TRIM54: variants seen among roughly 807,000 people sequenced by gnomAD.
TRIM54 encodes the protein tripartite motif-containing protein 54.
In TRIM54, 40 loss-of-function variants were observed where a neutral mutation model predicts 42.0. The ratio of observed to expected loss-of-function variants is 0.95; its 90% CI spans 0.74 to 1.24. TRIM54 has a LOEUF of 1.24. TRIM54 is among the 50% of genes most tolerant of loss of function. The pLI is 0.00. For missense variants in TRIM54, 485 were observed against 480.3 expected (o/e 1.01, Z -0.09); for synonymous variants, 199 against 194.9 (o/e 1.02, Z -0.17).
intron 1 of TRIM54, among the ~76,000 whole-genome samples, chr2:27,296,742 G>T (rs759404511): frequency 6.6e-6 from 1 of 152,060 alleles, no homozygotes; most frequent in Non-Finnish European, 1.5e-5. Context: ...CTGGAAGGGA[G>T]GCTTAGATTC....
At chr2:27,295,497 G>A (rs1159482317) in intron 1 of TRIM54, among the ~76,000 whole-genome samples, 2 of 152,002 alleles carry the variant, frequency 1.3e-5, no homozygotes, top group African/African-American at 4.8e-5. Context: ...TAGTAGAGAC[G>A]GGATTTCACC....
chr2:27,298,036 C>CT (rs1343192678), intron 1 of TRIM54, among the ~76,000 whole-genome samples: 1 of 148,486 alleles, frequency 6.7e-6, no homozygotes, highest in African/African-American at 2.5e-5. Context: ...AGCACAAGAA[C>CT]CCAGGACTCC....
At chr2:27,305,901 C>T (rs1679188408) in intron 5 of TRIM54, 84 bp downstream of exon 5, 1 of 1,381,002 alleles carries the variant, frequency 7.2e-7, no homozygotes, top group Admixed American at 2.1e-5. Context: ...CAAGTCTTGT[C>T]TCTTGCACCT....
chr2:27,288,756 C>T (rs961377937), intron 1 of TRIM54, among the ~76,000 whole-genome samples: 3 of 152,222 alleles, frequency 2.0e-5, no homozygotes, highest in African/African-American at 7.2e-5. Flanking sequence ...AAACAGGTCA[C>T]AGTCACACAA....
At chr2:27,301,003 T>C (rs1205554298) in intron 3 of TRIM54, among the ~76,000 whole-genome samples, 3 of 152,126 alleles carry the variant, frequency 2.0e-5, no homozygotes, top group Non-Finnish European at 4.4e-5. Flanking sequence ...GACAGGGTTA[T>C]TGGATCTCGC....
chr2:27,295,059 A>G (rs1678826736), intron 1 of TRIM54, among the ~76,000 whole-genome samples: 1 of 151,716 alleles, frequency 6.6e-6, no homozygotes, highest in Admixed American at 6.6e-5. Context: ...CTCCTCGACC[A>G]TCTTTTTTTG....
chr2:27,297,100 T>G (rs1678887756), intron 1 of TRIM54, among the ~76,000 whole-genome samples: 1 of 152,176 alleles, frequency 6.6e-6, no homozygotes, highest in African/African-American at 2.4e-5. Context: ...GCACTTATTA[T>G]TAAAGAAGAA....
In TRIM54 at chr2:27,299,396, A is replaced by T; in HGVS notation, c.493A>T (p.Thr165Ser). 2 of 1,613,962 alleles carry T rather than the reference A, an allele frequency of 1.2e-6. No individual in the cohort carries two copies. Among genetic ancestry groups the T allele is most frequent in the Non-Finnish European group, 1.7e-6 (2 of 1,179,984 alleles). Residue 165 changes from threonine (T) to serine (S), a missense_variant, in exon 3 of 9, where the codon ACC becomes TCC. Thr to Ser is a moderately conservative substitution (Grantham distance 58, BLOSUM62 1). Transcript: ENST00000380075. Reference protein sequence around the residue: ...HKDCEVAPLPTIYKRQKSELS... With the variant: ...HKDCEVAPLPSIYKRQKSELS... ...GGACTGTGAGGTGGCCCCACTGCCCACCATTTACAAACGCCAGAAGGTATC... is the reference window on the plus strand; with the variant it reads ...GGACTGTGAGGTGGCCCCACTGCCCTCCATTTACAAACGCCAGAAGGTATC...
chr2:27,286,510 G>A (rs1678563118), intron 1 of TRIM54, among the ~76,000 whole-genome samples: 1 of 152,160 alleles, frequency 6.6e-6, no homozygotes, highest in Non-Finnish European at 1.5e-5. Context: ...GTGGGAATTT[G>A]ACACAAACAT....
intron 3 of TRIM54, among the ~76,000 whole-genome samples, chr2:27,300,263 G>A (rs1035727683): frequency 1.3e-5 from 2 of 151,904 alleles, no homozygotes; most frequent in Admixed American, 6.6e-5. Context: ...CCTCTGCCTC[G>A]CAGGTTCAAG....
intron 5 of TRIM54, 95 bp from the exon 6 acceptor site, chr2:27,305,985 C>T: frequency 1.3e-6 from 2 of 1,538,336 alleles, no homozygotes; most frequent in South Asian, 1.2e-5. Flanking sequence ...GACGTGCCTT[C>T]CCACCTACCC....
At chr2:27,299,570 G>A in intron 3 of TRIM54, 154 bp downstream of exon 3, 1 of 1,496,580 alleles carries the variant, frequency 6.7e-7, no homozygotes. Context: ...GAGTGCAGTG[G>A]CACAAACACA....
chr2:27,304,916 A>G (rs1558590964), intron 3 of TRIM54, 43 bp from the exon 4 acceptor site: 2 of 1,583,196 alleles, frequency 1.3e-6, no homozygotes, highest in South Asian at 2.2e-5. Context: ...GTGTAGCTCT[A>G]GGCCAGGTCC....
Position 27,306,117 on chromosome 2 carries a change from C to A in TRIM54, c.866+15C>A. ...CTGATCAATAAGTGAGTAGGCATAG[C>A]GGGAAGGGAAAGGAGGGGGCTGCAC... is the stretch of plus-strand genomic sequence containing the variant. On this transcript the variant is annotated intron_variant, in intron 6 of 8. Coordinates refer to ENST00000380075, the MANE Select transcript of TRIM54 (RefSeq NM_187841.3). The surrounding 1 kb of genome is among the most constrained non-coding windows in gnomAD (Gnocchi z 6.1). 2 of 1,613,882 alleles carry A rather than the reference C, an allele frequency of 1.2e-6. No homozygotes were observed. Among genetic ancestry groups the A allele is most frequent in the Non-Finnish European group, 1.7e-6 (2 of 1,179,988 alleles).
intron 1 of TRIM54, among the ~76,000 whole-genome samples, chr2:27,287,100 T>A (rs1207218926): frequency 1.3e-5 from 2 of 152,244 alleles, no homozygotes; most frequent in African/African-American, 2.4e-5. Context: ...CACTCCTGGA[T>A]TCTCCTCTGA....
At position 27,282,522 on chromosome 2, in the gene TRIM54, G is replaced by A. The variant is rs981741695; in HGVS notation, c.-210G>A. ...GAGAGGGATAGCTAAAACTACGTGAGCCTGGCGAGGGTGCAGAGCAGAAAG... is the reference window on the plus strand; with the variant it reads ...GAGAGGGATAGCTAAAACTACGTGAACCTGGCGAGGGTGCAGAGCAGAAAG... On this transcript the variant is annotated 5_prime_UTR_variant, in exon 1 of 9. Coordinates refer to ENST00000380075, the MANE Select transcript of TRIM54 (RefSeq NM_187841.3). 7 of 428,650 alleles carry A rather than the reference G, an allele frequency of 1.6e-5. No homozygotes were observed. Among genetic ancestry groups the A allele is most frequent in the South Asian group, 5.5e-5 (1 of 18,118 alleles). The allele number at this position is 428,650 out of a possible 1,614,324, so 26.6% of individuals were successfully genotyped here. A position where few individuals can be genotyped will look rare whatever the true frequency, so the allele number is the denominator to read the frequency against.
intron 1 of TRIM54, among the ~76,000 whole-genome samples, chr2:27,287,615 C>G (rs756193365): frequency 6.6e-6 from 1 of 152,160 alleles, no homozygotes; most frequent in Non-Finnish European, 1.5e-5. Flanking sequence ...CCTTGAACTC[C>G]TGGGCTCAAA....
intron 1 of TRIM54, among the ~76,000 whole-genome samples, chr2:27,283,764 G>GCACACA (rs72401083): frequency 3.4e-5 from 4 of 117,866 alleles, no homozygotes; most frequent in African/African-American, 1.3e-4. Context: ...AGGGGCAAAG[G>GCACACA]CACACACACA....
intron 1 of TRIM54, among the ~76,000 whole-genome samples, chr2:27,283,784 GCACACACACACACACACACA>G (rs3073589): frequency 2.3e-5 from 3 of 132,168 alleles, no homozygotes; most frequent in African/African-American, 6.1e-5. Flanking sequence ...ACACACGCGC[GCACACACACACACACACACA>G]CACACACACA....
Sources: allele counts gnomAD v4.1 joint callset (sites outside exome capture counted in the v4.1 genomes callset), GRCh38; gene constraint gnomAD v4.1.1; non-coding constraint Gnocchi (gnomAD v3.1); transcripts MANE v1.5; gene names NCBI Gene and HGNC (gene_info 2026-07-23, HGNC 2026-07-21).